TMEM38B: variants seen among roughly 807,000 people sequenced by gnomAD.
The protein encoded by TMEM38B is trimeric intracellular cation channel type B.
In TMEM38B, 24 loss-of-function variants were observed where a neutral mutation model predicts 28.7. The observed-to-expected ratio is 0.84, with a 90% CI of 0.61 to 1.18. The LOEUF is 1.18. Ranked by LOEUF, TMEM38B falls within the 50% of genes most tolerant of loss-of-function variation. The probability of loss-of-function intolerance (pLI) is 0.00; values close to 1 mark genes in which losing one functional copy is unlikely to be tolerated. For missense variants in TMEM38B, 380 were observed against 350.9 expected, an observed-to-expected ratio of 1.08 and a Z score of -0.66; for synonymous variants, 131 against 127.7, an observed-to-expected ratio of 1.03 and a Z score of -0.17.
intron 1 of TMEM38B, among the ~76,000 whole-genome samples, chr9:105,695,893 CATAAG>C (rs1306186173): frequency 2.0e-5 from 3 of 152,158 alleles, no homozygotes; most frequent in Non-Finnish European, 4.4e-5. Flanking sequence ...ACATTATCTG[CATAAG>C]ATATTATTTC....
chr9:105,708,678 A>G lies in TMEM38B; in HGVS notation c.269+2925A>G, dbSNP rs1588394823. 2.6e-5 allele frequency among the ~76,000 whole-genome samples: 4 copies of G among 152,050 alleles called. No individual in the cohort carries two copies. In the South Asian group the frequency reaches 6.2e-4, roughly 24 times the overall value. ...CAACGTAAGGTATTCTTCTACCTCA[A>G]TGCCTTTGTACTTTCTTTCTTCTCT... On this transcript the variant is annotated intron_variant, in intron 2 of 5. Coordinates refer to ENST00000374692, the MANE Select transcript of TMEM38B (RefSeq NM_018112.3).
intron 4 of TMEM38B, among the ~76,000 whole-genome samples, chr9:105,728,255 C>T (rs1006242457): frequency 1.3e-4 from 19 of 151,874 alleles, no homozygotes; most frequent in Admixed American, 4.6e-4. Flanking sequence ...CCCCCAGCCC[C>T]CAACAAGCCC....
chr9:105,731,987 A>G (rs1331917672), intron 4 of TMEM38B, among the ~76,000 whole-genome samples: 7 of 152,070 alleles, frequency 4.6e-5, no homozygotes, highest in African/African-American at 1.7e-4. Context: ...TGACTTTTTA[A>G]TGATCACCAT....
At chr9:105,754,933 G>C (rs1837783830) in intron 5 of TMEM38B, among the ~76,000 whole-genome samples, 1 of 152,060 alleles carries the variant, frequency 6.6e-6, no homozygotes, top group African/African-American at 2.4e-5. Context: ...TGATAACACT[G>C]ACCCCACAGA....
intron 1 of TMEM38B, among the ~76,000 whole-genome samples, chr9:105,695,502 T>G (rs1231395188): frequency 6.6e-6 from 1 of 152,240 alleles, no homozygotes; most frequent in Non-Finnish European, 1.5e-5. Flanking sequence ...TTTTGAGTTC[T>G]TTTAGCAATG....
At chr9:105,763,249 G>A (rs1838131328) in intron 5 of TMEM38B, among the ~76,000 whole-genome samples, 1 of 152,086 alleles carries the variant, frequency 6.6e-6, no homozygotes, top group Non-Finnish European at 1.5e-5. Context: ...CTGTGCAGAA[G>A]CTCTTTAGTT....
At chr9:105,704,237 A>G (rs917783033) in intron 1 of TMEM38B, among the ~76,000 whole-genome samples, 2 of 152,138 alleles carry the variant, frequency 1.3e-5, no homozygotes, top group Non-Finnish European at 2.9e-5. Context: ...TATAAAAAAA[A>G]AATACAAAAA....
At chr9:105,706,856 A>T (rs1835689091) in intron 2 of TMEM38B, among the ~76,000 whole-genome samples, 1 of 151,932 alleles carries the variant, frequency 6.6e-6, no homozygotes, top group Non-Finnish European at 1.5e-5. Flanking sequence ...GGCTCACTGC[A>T]ACCTCCACCT....
intron 5 of TMEM38B, among the ~76,000 whole-genome samples, chr9:105,762,405 C>T: frequency 8.8e-6 from 1 of 113,894 alleles, no homozygotes; most frequent in Non-Finnish European, 1.7e-5. Context: ...TATCCCTCCC[C>T]CCTCCCCCCA....
intron 4 of TMEM38B, among the ~76,000 whole-genome samples, chr9:105,738,656 G>A (rs1449995142): frequency 7.3e-6 from 1 of 137,560 alleles, no homozygotes; most frequent in Non-Finnish European, 1.6e-5. Context: ...ATTTTCCCGT[G>A]TTTTCTTTTA....
chr9:105,723,797 G>A (rs530164807), intron 4 of TMEM38B, among the ~76,000 whole-genome samples: 5 of 152,118 alleles, frequency 3.3e-5, no homozygotes, highest in East Asian at 1.9e-4. Flanking sequence ...CCAAGGGGCA[G>A]GGATTACAGG....
At chr9:105,760,127 T>C in intron 5 of TMEM38B, 1 of 879,870 alleles carries the variant, frequency 1.1e-6, no homozygotes, top group Non-Finnish European at 1.9e-6. Context: ...GCGCTACAAT[T>C]GTGTCGTTTG....
At chr9:105,695,802 G>C (rs978401742) in intron 1 of TMEM38B, among the ~76,000 whole-genome samples, 1 of 152,162 alleles carries the variant, frequency 6.6e-6, no homozygotes, top group African/African-American at 2.4e-5. Flanking sequence ...TTTCATTTAT[G>C]TTGAAGTTTG....
intron 1 of TMEM38B, among the ~76,000 whole-genome samples, chr9:105,698,466 A>AT (rs982442834): frequency 3.4e-4 from 51 of 150,144 alleles, no homozygotes; most frequent in African/African-American, 1.1e-3. Context: ...ATCAAGTGCT[A>AT]TTTTTTTTTC....
At chr9:105,753,340 G>C (rs1837725907) in intron 5 of TMEM38B, among the ~76,000 whole-genome samples, 2 of 152,066 alleles carry the variant, frequency 1.3e-5, no homozygotes, top group Admixed American at 6.5e-5. Flanking sequence ...TCCATGAGAA[G>C]TTCAACCCCA....
chr9:105,766,426 G>A (rs971212645), intron 5 of TMEM38B, among the ~76,000 whole-genome samples: 2 of 152,102 alleles, frequency 1.3e-5, no homozygotes, highest in African/African-American at 4.8e-5. Flanking sequence ...AATAGTGTCT[G>A]TTTAAATATT....
At chr9:105,707,874 T>G (rs2133556567) in intron 2 of TMEM38B, among the ~76,000 whole-genome samples, 1 of 152,324 alleles carries the variant, frequency 6.6e-6, no homozygotes, top group South Asian at 2.1e-4. Context: ...AGTTGCTATG[T>G]GTTTTAAAAA....
At chr9:105,713,013 G>A (rs1477725498) in intron 2 of TMEM38B, among the ~76,000 whole-genome samples, 1 of 152,352 alleles carries the variant, frequency 6.6e-6, no homozygotes, top group African/African-American at 2.4e-5. Flanking sequence ...GCTGTGAGGG[G>A]ACTTGGCCCA....
chr9:105,713,272 C>T (rs368290690), intron 2 of TMEM38B, among the ~76,000 whole-genome samples: 16 of 152,314 alleles, frequency 1.1e-4, no homozygotes, highest in African/African-American at 1.4e-4. Flanking sequence ...AACCCCTCCC[C>T]GACAGCTGCA....
Sources: gnomAD v4.1 joint callset for allele counts (sites outside exome capture counted in the v4.1 genomes callset) on GRCh38, gnomAD v4.1.1 for gene constraint, MANE v1.5 for transcripts, NCBI Gene and HGNC (gene_info 2026-07-23, HGNC 2026-07-21) for gene names.